ATRNL1: variants seen among roughly 807,000 people sequenced by gnomAD.
ATRNL1 encodes the protein attractin-like protein 1.
In ATRNL1, 95 loss-of-function variants were observed where a neutral mutation model predicts 182.7. The ratio of observed to expected loss-of-function variants is 0.52; its 90% CI spans 0.44 to 0.62. The LOEUF (loss-of-function observed/expected upper bound fraction) is 0.62. Among genes scored for constraint, ATRNL1 ranks in the 20% least tolerant of loss-of-function variants. The pLI is 0.00. For missense variants in ATRNL1, 1,471 were observed against 1,679.5 expected (o/e 0.88, Z 2.17); for synonymous variants, 576 against 568.3 (o/e 1.01, Z -0.19).
At chr10:115,689,536 G>A (rs1946323965) in intron 26 of ATRNL1, among the ~76,000 whole-genome samples, 1 of 152,270 alleles carries the variant, frequency 6.6e-6, no homozygotes, top group African/African-American at 2.4e-5. Flanking sequence ...ATTGGCAGCA[G>A]TGGGATGAGC....
chr10:115,428,463 G>A (rs1221726370), intron 21 of ATRNL1, among the ~76,000 whole-genome samples: 1 of 151,880 alleles, frequency 6.6e-6, no homozygotes, highest in Non-Finnish European at 1.5e-5. Context: ...TTATTGTCTT[G>A]TTTCTGATCT....
At chr10:115,792,513 T>C (rs938802839) in intron 27 of ATRNL1, among the ~76,000 whole-genome samples, 2 of 152,098 alleles carry the variant, frequency 1.3e-5, no homozygotes, top group Non-Finnish European at 2.9e-5. Context: ...TAAAACAGTA[T>C]GCAGTAAGTG....
intron 1 of ATRNL1, among the ~76,000 whole-genome samples, chr10:115,098,344 C>T (rs540038689): frequency 3.0e-4 from 46 of 151,450 alleles, no homozygotes; most frequent in African/African-American, 1.1e-3. Context: ...GTGTCACATT[C>T]CTTTTGGCCT....
intron 28 of ATRNL1, among the ~76,000 whole-genome samples, chr10:115,937,711 G>A (rs553502381): frequency 6.6e-6 from 1 of 152,120 alleles, no homozygotes; most frequent in African/African-American, 2.4e-5. Flanking sequence ...TACGATCAGA[G>A]GAAAAACATT....
intron 5 of ATRNL1, among the ~76,000 whole-genome samples, chr10:115,142,319 C>T (rs1554878255): frequency 6.6e-6 from 1 of 152,070 alleles, no homozygotes; most frequent in African/African-American, 2.4e-5. Flanking sequence ...AGGCAGAGAC[C>T]TGTCAGTTCA....
chr10:115,779,655 A>G (rs1949214620), intron 27 of ATRNL1, among the ~76,000 whole-genome samples: 3 of 152,332 alleles, frequency 2.0e-5, no homozygotes, highest in Admixed American at 6.5e-5. Flanking sequence ...TCTAAATTCT[A>G]TCACTACAAC....
chr10:115,692,102 T>G (rs1946412387), intron 26 of ATRNL1, among the ~76,000 whole-genome samples: 2 of 152,172 alleles, frequency 1.3e-5, no homozygotes, highest in South Asian at 4.1e-4. Flanking sequence ...GTTCTGAAAC[T>G]TTTTCCTAGA....
chr10:115,734,134 A>T (rs1339626381), intron 27 of ATRNL1, among the ~76,000 whole-genome samples: 1 of 152,086 alleles, frequency 6.6e-6, no homozygotes, highest in Non-Finnish European at 1.5e-5. Context: ...CTAATTTCAC[A>T]CTATTATAAA....
chr10:115,151,890 A>G (rs1475420311), intron 5 of ATRNL1, among the ~76,000 whole-genome samples: 2 of 152,160 alleles, frequency 1.3e-5, no homozygotes, highest in African/African-American at 2.4e-5. Flanking sequence ...TAATTTTTGT[A>G]TAAGGTGTAA....
At chr10:115,897,699 G>A (rs574442319) in intron 28 of ATRNL1, among the ~76,000 whole-genome samples, 4 of 152,264 alleles carry the variant, frequency 2.6e-5, no homozygotes, top group South Asian at 4.1e-4. Context: ...GATTTTTGTG[G>A]AAGAGAAGTT....
chr10:115,159,516 A>G (rs1846679069), intron 5 of ATRNL1, among the ~76,000 whole-genome samples: 1 of 151,562 alleles, frequency 6.6e-6, no homozygotes, highest in Admixed American at 6.6e-5. Flanking sequence ...TGTCCTTAAT[A>G]ATGCTAAAAA....
At chr10:115,731,483 T>G (rs1555062776) in intron 27 of ATRNL1, among the ~76,000 whole-genome samples, 2 of 152,158 alleles carry the variant, frequency 1.3e-5, no homozygotes, top group African/African-American at 4.8e-5. Context: ...CATGCCTCTA[T>G]TTCTTTTGTA....
rs2084927856 is a variant in ATRNL1 at position 115,093,490 on chromosome 10, A to T, written c.-261A>T. On this transcript the variant is annotated 5_prime_UTR_variant, in exon 1 of 29. Coordinates refer to ENST00000355044, the MANE Select transcript of ATRNL1 (RefSeq NM_207303.4). The surrounding 1 kb of genome is among the most constrained non-coding windows in gnomAD (Gnocchi z 6.1). ...CTCCCCGCCTCCGGCCGGGTCCGGG[A>T]CGCCGCGGCTGTGGGGTCGGCCCGC... 1.6e-6 allele frequency: 1 copy of T among 623,234 alleles called. No individual in the cohort carries two copies. Among genetic ancestry groups the T allele is most frequent in the African/African-American group, 1.9e-5 (1 of 51,580 alleles). The allele number at this position is 623,234 out of a possible 1,614,324, so 38.6% of individuals were successfully genotyped here. A position where few individuals can be genotyped will look rare whatever the true frequency, so the allele number is the denominator to read the frequency against.
chr10:115,800,685 A>T (rs1949771609), intron 27 of ATRNL1, among the ~76,000 whole-genome samples: 1 of 152,170 alleles, frequency 6.6e-6, no homozygotes, highest in Admixed American at 6.5e-5. Flanking sequence ...ATGTGATGGT[A>T]TTAAGAAGTG....
At chr10:115,921,289 T>G (rs1953052191) in intron 28 of ATRNL1, among the ~76,000 whole-genome samples, 1 of 151,204 alleles carries the variant, frequency 6.6e-6, no homozygotes, top group South Asian at 2.1e-4. Context: ...TAATTATAGA[T>G]AGTCTAAAGG....
At chr10:115,728,841 A>G (rs1210589581) in intron 27 of ATRNL1, among the ~76,000 whole-genome samples, 2 of 152,228 alleles carry the variant, frequency 1.3e-5, no homozygotes, top group Admixed American at 1.3e-4. Context: ...AAAAAATAAC[A>G]AAAAAGAATG....
chr10:115,126,069 G>GT (rs1323212753), intron 3 of ATRNL1, among the ~76,000 whole-genome samples: 1 of 151,934 alleles, frequency 6.6e-6, no homozygotes, highest in Non-Finnish European at 1.5e-5. Flanking sequence ...TTGTTTGTTT[G>GT]TTTTTTTGAG....
At chr10:115,272,805 A>G (rs781980397) in intron 13 of ATRNL1, among the ~76,000 whole-genome samples, 2 of 152,146 alleles carry the variant, frequency 1.3e-5, no homozygotes, top group Non-Finnish European at 2.9e-5. Flanking sequence ...TTGCTTGACA[A>G]TTGTAGGGAA....
At chr10:115,605,142 G>A (rs996517400) in intron 26 of ATRNL1, among the ~76,000 whole-genome samples, 3 of 151,786 alleles carry the variant, frequency 2.0e-5, no homozygotes, top group Non-Finnish European at 2.9e-5. Flanking sequence ...CAGTTTATAC[G>A]CATACATCAA....
Sources: gnomAD v4.1 joint callset for allele counts (sites outside exome capture counted in the v4.1 genomes callset) on GRCh38, gnomAD v4.1.1 for gene constraint, Gnocchi (gnomAD v3.1) non-coding constraint, MANE v1.5 for transcripts, NCBI Gene and HGNC (gene_info 2026-07-23, HGNC 2026-07-21) for gene names.